The following SLC44A5 variants were observed in gnomAD, a reference collection of about 807,000 sequenced individuals.
SLC44A5 encodes choline transporter-like protein 5.
SLC44A5 carries 57 observed loss-of-function variants against 101.8 expected under a neutral mutation model. That is an observed-to-expected ratio of 0.56 (90% CI 0.45 to 0.70). SLC44A5 has a LOEUF of 0.70. Among genes scored for constraint, SLC44A5 ranks in the 30% least tolerant of loss-of-function variants. The probability of loss-of-function intolerance (pLI) is 0.00; values close to 1 mark genes in which losing one functional copy is unlikely to be tolerated. For missense variants in SLC44A5, 737 were observed against 853.1 expected (o/e 0.86, Z 1.70); for synonymous variants, 281 against 290.9 (o/e 0.97, Z 0.35).
the SLC44A5 span, among the ~76,000 whole-genome samples, chr1:75,699,152 A>C: frequency 2.0e-5 from 3 of 152,244 alleles, no homozygotes; most frequent in East Asian, 5.8e-4. Context: ...AATACAGAGA[A>C]CACCACAAAG....
At chr1:75,436,788 A>G (rs188425899) in intron 2 of SLC44A5, among the ~76,000 whole-genome samples, 1 of 152,324 alleles carries the variant, frequency 6.6e-6, no homozygotes, top group East Asian at 1.9e-4. Context: ...CACAATATAC[A>G]GTTATAAAAA....
At chr1:75,249,798 G>A (rs1649410627) in intron 7 of SLC44A5, among the ~76,000 whole-genome samples, 1 of 152,114 alleles carries the variant, frequency 6.6e-6, no homozygotes. Flanking sequence ...CCTTTGGGAA[G>A]AAGAAGTGTG....
At chr1:75,477,896 A>G (rs1211808773) in intron 2 of SLC44A5, among the ~76,000 whole-genome samples, 2 of 152,064 alleles carry the variant, frequency 1.3e-5, no homozygotes, top group African/African-American at 4.8e-5. Context: ...CAGGAAATAC[A>G]GAGAACGCCA....
chr1:75,687,709 C>A, the SLC44A5 span, among the ~76,000 whole-genome samples: 1 of 152,214 alleles, frequency 6.6e-6, no homozygotes, highest in Non-Finnish European at 1.5e-5. Context: ...GACACTCTCA[C>A]TTCCCTTTCT....
intron 3 of SLC44A5, among the ~76,000 whole-genome samples, chr1:75,365,098 C>T (rs1050342494): frequency 6.6e-6 from 1 of 151,950 alleles, no homozygotes; most frequent in Non-Finnish European, 1.5e-5. Flanking sequence ...TCCTTTGTTT[C>T]CTTCTTCTCT....
rs146228451 is a variant in SLC44A5, at chr1:75,425,858, G to A, written c.14-29237C>T. Among the ~76,000 whole-genome samples the A allele has an allele frequency of 3.8e-4, 58 of 152,280 alleles. 1 individual carries two copies. The highest frequency in any genetic ancestry group is 1.2e-3 in the African/African-American group (51 of 41,568). ...AGGCTACTCCAGGACAGGTTTAGCC[G>A]TCAGCACTCTCAAACAATCCAGCCC... On this transcript the variant is annotated intron_variant, in intron 2 of 23. Coordinates refer to ENST00000370859, the MANE Select transcript of SLC44A5 (RefSeq NM_001130058.2).
At chr1:75,500,692 T>C (rs1045273497) in intron 2 of SLC44A5, among the ~76,000 whole-genome samples, 7 of 152,208 alleles carry the variant, frequency 4.6e-5, no homozygotes, top group African/African-American at 1.7e-4. Context: ...CTTTGTAAAA[T>C]TGAAGCAAAT....
At chr1:75,281,449 A>G (rs993857394) in intron 5 of SLC44A5, among the ~76,000 whole-genome samples, 8 of 152,102 alleles carry the variant, frequency 5.3e-5, no homozygotes, top group Non-Finnish European at 1.0e-4. Flanking sequence ...ACAGAAAAGA[A>G]AAACCCATTT....
intron 1 of SLC44A5, among the ~76,000 whole-genome samples, chr1:75,560,150 T>C (rs1672441117): frequency 6.6e-6 from 1 of 152,136 alleles, no homozygotes; most frequent in African/African-American, 2.4e-5. Flanking sequence ...AAGGTAGAAC[T>C]ACCATATGAT....
chr1:75,209,033 A>T (rs958085948), intron 23 of SLC44A5, among the ~76,000 whole-genome samples: 3 of 152,220 alleles, frequency 2.0e-5, no homozygotes, highest in Non-Finnish European at 2.9e-5. Flanking sequence ...TGCCCATAGT[A>T]ACAGCTAGGG....
chr1:75,297,987 G>A (rs1419247906), intron 5 of SLC44A5, among the ~76,000 whole-genome samples: 2 of 152,124 alleles, frequency 1.3e-5, no homozygotes, highest in African/African-American at 2.4e-5. Context: ...CAACAAAAAT[G>A]TCTCTTCCAT....
chr1:75,489,092 C>T (rs1668303847), intron 2 of SLC44A5, among the ~76,000 whole-genome samples: 1 of 152,168 alleles, frequency 6.6e-6, no homozygotes, highest in South Asian at 2.1e-4. Context: ...AGGTGATCTG[C>T]CTGCCTCAGC....
chr1:75,697,544 T>C, the SLC44A5 span, among the ~76,000 whole-genome samples: 1 of 152,148 alleles, frequency 6.6e-6, no homozygotes, highest in South Asian at 2.1e-4. Context: ...CCTAGCACTT[T>C]GGGAAGCCGG....
chr1:75,226,906 TA>T (rs1355807777), intron 13 of SLC44A5, among the ~76,000 whole-genome samples: 6 of 152,194 alleles, frequency 3.9e-5, no homozygotes, highest in Non-Finnish European at 5.9e-5. Flanking sequence ...TTGTTAATAT[TA>T]AAAAATATCC....
chr1:75,670,521 T>C, the SLC44A5 span, among the ~76,000 whole-genome samples: 2 of 152,204 alleles, frequency 1.3e-5, no homozygotes, highest in Non-Finnish European at 2.9e-5. Flanking sequence ...ATTTTGTTTT[T>C]ATATTTGACA....
At position 75,261,936 on chromosome 1, in the gene SLC44A5, T is replaced by C. The variant is rs142808408; in HGVS notation, c.261-10642A>G. Among the ~76,000 whole-genome samples, 837 of 152,158 alleles carry C rather than the reference T, an allele frequency of 5.5e-3. 12 individuals carry two copies. Among genetic ancestry groups the C allele is most frequent in the African/African-American group, 0.02 (809 of 41,472 alleles). On this transcript the variant is annotated intron_variant, in intron 6 of 23. Coordinates refer to ENST00000370859, the MANE Select transcript of SLC44A5 (RefSeq NM_001130058.2). ...GATGAAGAAAAGGCCTTCGACAAAA[T>C]TCAACAGCCCTTCATGCTAAAAATT...
chr1:75,515,790 T>A (rs1296668641), intron 2 of SLC44A5, among the ~76,000 whole-genome samples: 1 of 152,204 alleles, frequency 6.6e-6, no homozygotes, highest in East Asian at 1.9e-4. Flanking sequence ...ATAGGATTGC[T>A]GGATCATATG....
At chr1:75,478,760 A>G (rs565192669) in intron 2 of SLC44A5, among the ~76,000 whole-genome samples, 59 of 152,282 alleles carry the variant, frequency 3.9e-4, no homozygotes, top group African/African-American at 1.2e-3. Context: ...AGCAAGTCCT[A>G]AGTGACCTAC....
intron 2 of SLC44A5, among the ~76,000 whole-genome samples, chr1:75,529,833 A>T (rs899123343): frequency 3.3e-5 from 5 of 152,156 alleles, no homozygotes; most frequent in African/African-American, 1.2e-4. Flanking sequence ...ATTCTGCTTG[A>T]TTTTAAAAAC....
Sources: gnomAD v4.1 joint callset for allele counts (sites outside exome capture counted in the v4.1 genomes callset) on GRCh38, gnomAD v4.1.1 for gene constraint, MANE v1.5 for transcripts, NCBI Gene and HGNC (gene_info 2026-07-23, HGNC 2026-07-21) for gene names.